ATXN7L1: variants seen among roughly 807,000 people sequenced by gnomAD.
The protein encoded by ATXN7L1 is ataxin-7-like protein 1.
ATXN7L1 carries 15 observed loss-of-function variants against 70.8 expected under a neutral mutation model. That is an observed-to-expected ratio of 0.21 (90% CI 0.14 to 0.33). ATXN7L1 has a LOEUF of 0.33. ATXN7L1 is among the 10% of genes least tolerant of loss of function. The pLI, the probability that ATXN7L1 is intolerant of heterozygous loss-of-function variation, is 1.00. For synonymous variants in ATXN7L1, 440 were observed against 445.1 expected, an observed-to-expected ratio of 0.99 and a Z score of 0.14; for missense variants, 975 against 1,097.1, an observed-to-expected ratio of 0.89 and a Z score of 1.57.
Position 105,614,792 on chromosome 7 carries a change from G to T in ATXN7L1, c.1542C>A (p.Ser514Arg). 6.4e-7 allele frequency: 1 copy of T among 1,550,926 alleles called. No homozygotes were observed. Among genetic ancestry groups the T allele is most frequent in the Non-Finnish European group, 8.7e-7 (1 of 1,146,484 alleles). The part of the protein sequence containing the change: ...MWKKIPPAAD[S>R]PLPSPAAHIT... Reference sequence around the variant, plus strand: ...TGTGGGCTGCTGGCGAGGGCAGGGGGCTATCTGCCGCAGGAGGGATCTTCC... The same window carrying T: ...TGTGGGCTGCTGGCGAGGGCAGGGGTCTATCTGCCGCAGGAGGGATCTTCC... The change falls in exon 10 of 12, where the codon AGC (serine) becomes AGA (arginine). Residue 514 changes from serine (S) to arginine (R), a missense_variant. Transcript: ENST00000419735. This position sits in a 1 kb window ranked among gnomAD's most constrained non-coding sequence, Gnocchi z 4.3.
chr7:105,638,002 G>A lies in ATXN7L1; in HGVS notation c.1202+351C>T, dbSNP rs563384245. Among the ~76,000 whole-genome samples the A allele has an allele frequency of 7.2e-5, 11 of 152,280 alleles. No homozygotes were observed. The East Asian group carries it at 7.7e-4, about 11-fold the overall frequency. On this transcript the variant is annotated intron_variant, in intron 7 of 11. Transcript: ENST00000419735. The stretch of plus-strand genomic sequence containing the variant: ...CCAGGCAGCCAGGAAGTCACCTGGC[G>A]GCTGATGTGTCACAGTTTCAGGTAT...
chr7:105,754,046 G>C (rs914460269), intron 3 of ATXN7L1, among the ~76,000 whole-genome samples: 1 of 152,202 alleles, frequency 6.6e-6, no homozygotes, highest in Admixed American at 6.5e-5. Context: ...CTGCATGGGA[G>C]TATTGTATAG....
chr7:105,853,708 G>C (rs1032580575), intron 2 of ATXN7L1, among the ~76,000 whole-genome samples: 2 of 152,168 alleles, frequency 1.3e-5, no homozygotes, highest in Non-Finnish European at 2.9e-5. Flanking sequence ...AGGTTGCAGC[G>C]AGCAGAGATT....
At chr7:105,796,754 T>A (rs1311659832) in intron 2 of ATXN7L1, among the ~76,000 whole-genome samples, 2 of 152,222 alleles carry the variant, frequency 1.3e-5, no homozygotes, top group Admixed American at 6.5e-5. Context: ...TTCAGTTGCA[T>A]TTTAATCACT....
chr7:105,824,206 C>T (rs765397), intron 2 of ATXN7L1, among the ~76,000 whole-genome samples: 146,902 of 152,282 alleles, frequency 0.96, 70,936 homozygotes, highest in East Asian at 1. Flanking sequence ...GAAAATTCTC[C>T]AAAGAAATGA....
intron 3 of ATXN7L1, among the ~76,000 whole-genome samples, chr7:105,729,201 G>T (rs1179944531): frequency 6.6e-6 from 1 of 151,940 alleles, no homozygotes; most frequent in Non-Finnish European, 1.5e-5. Flanking sequence ...AGGCCAGGAG[G>T]TCGAGGCTAC....
intron 2 of ATXN7L1, among the ~76,000 whole-genome samples, chr7:105,818,023 G>A (rs1006354308): frequency 6.6e-6 from 1 of 152,122 alleles, no homozygotes; most frequent in East Asian, 1.9e-4. Context: ...TCCAAATAAG[G>A]AGTTAAAAAT....
chr7:105,619,241 G>A lies in ATXN7L1; in HGVS notation c.1517+959C>T, dbSNP rs112869759. The stretch of plus-strand genomic sequence containing the variant: ...CAGCTCACTGCAAACTCTGCCTTCC[G>A]GGTTCAAGCGATTCTCCTGCCTTAG... On this transcript the variant is annotated intron_variant, in intron 9 of 11. Transcript: ENST00000419735. Among the ~76,000 whole-genome samples the A allele has an allele frequency of 7.9e-3, 1,027 of 130,480 alleles. 12 individuals are homozygous for A. The highest frequency in any genetic ancestry group is 0.028 in the African/African-American group (979 of 35,244). The allele number at this position is 130,480 out of a possible 152,430, so 85.6% of individuals were successfully genotyped here.
chr7:105,805,937 G>C (rs1344864658), intron 2 of ATXN7L1, among the ~76,000 whole-genome samples: 1 of 152,214 alleles, frequency 6.6e-6, no homozygotes, highest in Non-Finnish European at 1.5e-5. Context: ...AGAATGCAGA[G>C]AGCAGTGATC....
intron 3 of ATXN7L1, among the ~76,000 whole-genome samples, chr7:105,785,074 G>A (rs560368593): frequency 2.6e-5 from 4 of 152,172 alleles, no homozygotes; most frequent in Non-Finnish European, 5.9e-5. Flanking sequence ...ATCAGACCTC[G>A]GGCAAAGCAC....
chr7:105,685,699 C>A (rs958657525), intron 3 of ATXN7L1, among the ~76,000 whole-genome samples: 6 of 152,220 alleles, frequency 3.9e-5, no homozygotes, highest in Non-Finnish European at 7.4e-5. Flanking sequence ...GATGAAGGGC[C>A]GTGAGAGTTA....
intron 2 of ATXN7L1, among the ~76,000 whole-genome samples, chr7:105,855,111 C>T (rs212419): frequency 0.68 from 103,309 of 151,964 alleles, 35,370 homozygotes; most frequent in Middle Eastern, 0.78. Flanking sequence ...TGCGCCACCA[C>T]GCCCAGCTAA....
chr7:105,752,549 T>C (rs1799336644), intron 3 of ATXN7L1, among the ~76,000 whole-genome samples: 1 of 152,186 alleles, frequency 6.6e-6, no homozygotes, highest in African/African-American at 2.4e-5. Context: ...TGGCTACCAC[T>C]GGAACTATGC....
In ATXN7L1 at chr7:105,656,576, C is replaced by CTT. The variant is rs10690416; in HGVS notation, c.578+8488_578+8489dup. 8.6e-5 allele frequency among the ~76,000 whole-genome samples: 12 copies of CTT among 139,926 alleles called. 1 individual carries two copies. Among genetic ancestry groups the CTT allele is most frequent in the South Asian group, 2.2e-4 (1 of 4,542 alleles). 91.8% of individuals were successfully genotyped at this position (139,926 alleles called of 152,430 possible). A position where few individuals can be genotyped will look rare whatever the true frequency, so the allele number is the denominator to read the frequency against. On this transcript the variant is annotated intron_variant, in intron 4 of 11. Coordinates refer to ENST00000419735, the MANE Select transcript of ATXN7L1 (RefSeq NM_020725.2). ...TCTGTTTTCCCCTTTCTTCTTCTTCCTTTTTTTTTTTTTTGAGATAGTCTC... is the reference window on the plus strand; with the variant it reads ...TCTGTTTTCCCCTTTCTTCTTCTTCCTTTTTTTTTTTTTTTTGAGATAGTCTC...
At chr7:105,744,076 CT>C (rs983518627) in intron 3 of ATXN7L1, among the ~76,000 whole-genome samples, 3 of 152,146 alleles carry the variant, frequency 2.0e-5, no homozygotes, top group African/African-American at 7.2e-5. Flanking sequence ...GGCTGTGCTC[CT>C]TGTGCCTCAG....
chr7:105,823,180 G>T (rs2116569702), intron 2 of ATXN7L1, among the ~76,000 whole-genome samples: 1 of 152,074 alleles, frequency 6.6e-6, no homozygotes, highest in East Asian at 1.9e-4. Context: ...ACCTTGTGAA[G>T]TGGTAATCCT....
chr7:105,702,085 T>C (rs867632868), intron 3 of ATXN7L1, among the ~76,000 whole-genome samples: 1 of 152,252 alleles, frequency 6.6e-6, no homozygotes, highest in Middle Eastern at 3.4e-3. Flanking sequence ...TAAGCCAGAG[T>C]CAATTCAAGT....
At chr7:105,664,971 C>A in intron 4 of ATXN7L1, 95 bp downstream of exon 4, 1 of 1,275,070 alleles carries the variant, frequency 7.8e-7, no homozygotes, top group Non-Finnish European at 1.1e-6. Context: ...CATGTGACAC[C>A]TAGGAACAAA....
intron 3 of ATXN7L1, chr7:105,761,337 G>T (rs1800509224): frequency 6.2e-7 from 1 of 1,613,174 alleles, no homozygotes; most frequent in African/African-American, 1.3e-5. Context: ...AGTCCTCTGA[G>T]ATCTTTCAGA....
Sources: allele counts gnomAD v4.1 joint callset (sites outside exome capture counted in the v4.1 genomes callset), GRCh38; gene constraint gnomAD v4.1.1; non-coding constraint Gnocchi (gnomAD v3.1); transcripts MANE v1.5; gene names NCBI Gene and HGNC (gene_info 2026-07-23, HGNC 2026-07-21).